The following KCNN3 variants were observed in gnomAD, a reference collection of about 807,000 sequenced individuals.
KCNN3 encodes potassium calcium-activated channel subfamily N member 3, also known as small conductance calcium-activated potassium channel protein 3.
In KCNN3, 16 loss-of-function variants were observed where a neutral mutation model predicts 62.9. That is an observed-to-expected ratio of 0.25 (90% CI 0.17 to 0.39). KCNN3 has a LOEUF of 0.39. Among genes scored for constraint, KCNN3 ranks in the 10% least tolerant of loss-of-function variants. KCNN3 has a pLI of 1.00. For synonymous variants in KCNN3, 370 were observed against 389.2 expected (o/e 0.95, Z 0.58); for missense variants, 599 against 949.4 (o/e 0.63, Z 4.85).
At chr1:154,752,931 G>T (rs1334898128) in intron 3 of KCNN3, among the ~76,000 whole-genome samples, 2 of 152,194 alleles carry the variant, frequency 1.3e-5, no homozygotes, top group Non-Finnish European at 2.9e-5. Flanking sequence ...ACCCGGCTCA[G>T]ACTCACCTGC....
Position 154,760,739 on chromosome 1 carries a change from G to A in KCNN3, c.1448+11236C>T, listed in dbSNP as rs553166783. On this transcript the variant is annotated intron_variant, in intron 3 of 7. Coordinates refer to ENST00000271915, the MANE Select transcript of KCNN3 (RefSeq NM_002249.6). ...GGGACGCCCGGGAGGCTACTGAAGAGCCAGTGGCGCCTGCCTCGATCACAC... is the reference window on the plus strand; with the variant it reads ...GGGACGCCCGGGAGGCTACTGAAGAACCAGTGGCGCCTGCCTCGATCACAC... 1.4e-4 allele frequency among the ~76,000 whole-genome samples: 21 copies of A among 152,334 alleles called. No homozygotes were observed. In the East Asian group the frequency reaches 4.1e-3, roughly 30 times the overall value.
At chr1:154,748,826 G>C (rs1237929535) in intron 3 of KCNN3, among the ~76,000 whole-genome samples, 2 of 152,200 alleles carry the variant, frequency 1.3e-5, no homozygotes, top group African/African-American at 2.4e-5. Flanking sequence ...GCAGGGCATG[G>C]TGGTACGTGT....
intron 2 of KCNN3, among the ~76,000 whole-genome samples, chr1:154,781,557 T>C (rs1649052108): frequency 6.6e-6 from 1 of 152,218 alleles, no homozygotes; most frequent in Admixed American, 6.5e-5. Flanking sequence ...CCTAGGTCTC[T>C]GTAGTGGACC....
intron 3 of KCNN3, among the ~76,000 whole-genome samples, chr1:154,738,778 GCAAA>G (rs1179159243): frequency 6.6e-6 from 1 of 152,174 alleles, no homozygotes; most frequent in Non-Finnish European, 1.5e-5. Context: ...AGAAAACTAA[GCAAA>G]CAAACAAACA....
Position 154,707,089 on chromosome 1 carries a change from A to T in KCNN3, c.*887T>A, listed in dbSNP as rs951481169. On this transcript the variant is annotated 3_prime_UTR_variant, in exon 8 of 8. Coordinates refer to ENST00000271915, the MANE Select transcript of KCNN3 (RefSeq NM_002249.6). ...AATTTTGGCTTGGCATCCATTTCAA[A>T]TCAAGCAAGGTGCATATCCAGGACA... 9.9e-5 allele frequency: 15 copies of T among 152,202 alleles called. No homozygotes were observed. Among genetic ancestry groups the T allele is most frequent in the African/African-American group, 3.1e-4 (13 of 41,436 alleles). 9.4% of individuals were successfully genotyped at this position (152,202 alleles called of 1,614,324 possible).
Position 154,771,711 on chromosome 1 carries a change from C to T in KCNN3, c.1448+264G>A, listed in dbSNP as rs187227140. On this transcript the variant is annotated intron_variant, in intron 3 of 7. Coordinates refer to ENST00000271915, the MANE Select transcript of KCNN3 (RefSeq NM_002249.6). ...GTGAGTTACTGATGTAACCAGAATG[C>T]TTTGATATATTGGTTTGCAAAGAAG... is the stretch of plus-strand genomic sequence containing the variant. Among the ~76,000 whole-genome samples, 753 of 152,300 alleles carry T rather than the reference C, an allele frequency of 4.9e-3. 6 individuals carry two copies. The highest frequency in any genetic ancestry group is 7.6e-3 in the Non-Finnish European group (520 of 68,024).
At chr1:154,719,212 A>G (rs1212224496) in intron 5 of KCNN3, among the ~76,000 whole-genome samples, 1 of 152,152 alleles carries the variant, frequency 6.6e-6, no homozygotes, top group East Asian at 1.9e-4. Flanking sequence ...AGAAATCACT[A>G]GCATGCCCAT....
intron 4 of KCNN3, among the ~76,000 whole-genome samples, chr1:154,728,803 A>C (rs935383391): frequency 1.3e-5 from 2 of 152,158 alleles, no homozygotes; most frequent in Non-Finnish European, 2.9e-5. Context: ...AAGAATAAGA[A>C]AAAATGATGG....
rs763457140 is a variant in KCNN3, at chr1:154,869,667, G to A, written c.298C>T (p.Leu100=). The A allele has an allele frequency of 1.4e-5, 22 of 1,606,482 alleles. 1 individual carries two copies. The Admixed American group carries it at 3.3e-4, about 24-fold the overall frequency. Residue 100 remains leucine (L), a synonymous_variant, in exon 1 of 8, where the codon CTG becomes TTG. Coordinates refer to ENST00000271915, the MANE Select transcript of KCNN3 (RefSeq NM_002249.6). The surrounding 1 kb of genome is among the most constrained non-coding windows in gnomAD (Gnocchi z 6.1). ...QLQSQPVHPG[L]LHSSPTAFRA... is the part of the protein sequence containing the mutation. ...AAAGCGGTGGGAGAGGAGTGCAGCA[G>A]GCCAGGGTGGACGGGCTGGCTCTGG...
chr1:154,747,414 C>T (rs1164002183), intron 3 of KCNN3, among the ~76,000 whole-genome samples: 1 of 152,196 alleles, frequency 6.6e-6, no homozygotes, highest in East Asian at 1.9e-4. Flanking sequence ...GGGACGTTCT[C>T]AGCCTCTGCA....
intron 2 of KCNN3, among the ~76,000 whole-genome samples, chr1:154,802,454 T>C (rs1649996167): frequency 1.3e-5 from 2 of 152,160 alleles, no homozygotes; most frequent in African/African-American, 4.8e-5. Context: ...TTCAGTGACC[T>C]CAGGGCAGCT....
intron 1 of KCNN3, among the ~76,000 whole-genome samples, chr1:154,844,158 C>T (rs968912046): frequency 6.6e-6 from 1 of 152,224 alleles, no homozygotes; most frequent in Non-Finnish European, 1.5e-5. Context: ...CTTCCCCTCC[C>T]CAACCCTCCT....
At chr1:154,793,469 C>T (rs538371323) in intron 2 of KCNN3, among the ~76,000 whole-genome samples, 1 of 152,298 alleles carries the variant, frequency 6.6e-6, no homozygotes, top group East Asian at 1.9e-4. Flanking sequence ...ACAAAGCCAC[C>T]AGGCTTGGGA....
chr1:154,734,059 C>A (rs1700656516), intron 3 of KCNN3, among the ~76,000 whole-genome samples: 1 of 152,172 alleles, frequency 6.6e-6, no homozygotes, highest in Non-Finnish European at 1.5e-5. Flanking sequence ...AGAGGTGCCA[C>A]AGAGGAGCAA....
At chr1:154,779,674 C>T (rs1201094101) in intron 2 of KCNN3, among the ~76,000 whole-genome samples, 1 of 152,180 alleles carries the variant, frequency 6.6e-6, no homozygotes, top group Non-Finnish European at 1.5e-5. Flanking sequence ...GGCAGGGGGG[C>T]CGCTGGAGAA....
intron 3 of KCNN3, among the ~76,000 whole-genome samples, chr1:154,756,203 A>AGGAGG (rs1647694574): frequency 1.8e-5 from 2 of 108,252 alleles, no homozygotes; most frequent in Admixed American, 1.1e-4. Context: ...GGGGAGGAGG[A>AGGAGG]GGGGTTGGGG....
At chr1:154,747,378 C>T (rs927579200) in intron 3 of KCNN3, among the ~76,000 whole-genome samples, 5 of 152,200 alleles carry the variant, frequency 3.3e-5, no homozygotes, top group African/African-American at 1.2e-4. Context: ...GTGGCTCCCC[C>T]TCTCCTAGGT....
At chr1:154,739,167 G>A (rs570102417) in intron 3 of KCNN3, among the ~76,000 whole-genome samples, 1 of 152,366 alleles carries the variant, frequency 6.6e-6, no homozygotes, top group South Asian at 2.1e-4. Context: ...TAAATGGGAA[G>A]AGCTGGTGGA....
intron 1 of KCNN3, among the ~76,000 whole-genome samples, chr1:154,865,953 C>T (rs1652941179): frequency 6.6e-6 from 1 of 152,166 alleles, no homozygotes; most frequent in South Asian, 2.1e-4. Flanking sequence ...CCGCCTGCCT[C>T]CAGACTGGTC....
Sources: allele counts gnomAD v4.1 joint callset (sites outside exome capture counted in the v4.1 genomes callset), GRCh38; gene constraint gnomAD v4.1.1; non-coding constraint Gnocchi (gnomAD v3.1); transcripts MANE v1.5; gene names NCBI Gene and HGNC (gene_info 2026-07-23, HGNC 2026-07-21).